Variants in DNAAF9 observed in about 807,000 individuals in gnomAD.
DNAAF9 encodes dynein axonemal assembly factor 9.
DNAAF9 carries 90 observed loss-of-function variants against 167.0 expected under a neutral mutation model. The observed-to-expected ratio is 0.54, with a 90% confidence interval of 0.45 to 0.64. DNAAF9 has a LOEUF of 0.64. Among genes scored for constraint, DNAAF9 ranks in the 30% least tolerant of loss-of-function variants. The pLI is 0.00. For synonymous variants in DNAAF9, 491 were observed against 508.8 expected (o/e 0.96, Z 0.47); for missense variants, 1,315 against 1,442.2 (o/e 0.91, Z 1.43).
chr20:3,290,034 C>T (rs1231115159), intron 26 of DNAAF9, 95 bp downstream of exon 26: 1 of 762,728 alleles, frequency 1.3e-6, no homozygotes, highest in African/African-American at 1.7e-5. Flanking sequence ...GATACCAGTC[C>T]CACCAAGGCC....
rs975200045 is a variant in DNAAF9 at position 3,320,040 on chromosome 20, T to G, written c.1357-1640A>C. On this transcript the variant is annotated intron_variant, in intron 16 of 36. Coordinates refer to ENST00000252032, the MANE Select transcript of DNAAF9 (RefSeq NM_001009984.3). ...CATGTTCATATTTGGCCACTGGTATTGAGGAAGGGAAGAGAGGATATTAAA... is the reference window on the plus strand; with the variant it reads ...CATGTTCATATTTGGCCACTGGTATGGAGGAAGGGAAGAGAGGATATTAAA... Among the ~76,000 whole-genome samples, 9 of 152,184 alleles carry G rather than the reference T, an allele frequency of 5.9e-5. No homozygotes were observed. In the South Asian group the frequency reaches 6.2e-4, roughly 11 times the overall value.
chr20:3,366,176 T>C (rs1431843199), intron 6 of DNAAF9, among the ~76,000 whole-genome samples: 1 of 152,206 alleles, frequency 6.6e-6, no homozygotes, highest in Non-Finnish European at 1.5e-5. Context: ...CCCAGATCCA[T>C]CAGAGGAATC....
rs2068168788 is a variant in DNAAF9 at position 3,249,527 on chromosome 20, C to T, written c.*3045G>A. Reference sequence around the variant, plus strand: ...GAAGTTACAGTAGTGTTTGTAAATACGAGTTTTAAAATTTAAGTTACAAAT... The same window carrying T: ...GAAGTTACAGTAGTGTTTGTAAATATGAGTTTTAAAATTTAAGTTACAAAT... On this transcript the variant is annotated 3_prime_UTR_variant, in exon 37 of 37. Coordinates refer to ENST00000252032, the MANE Select transcript of DNAAF9 (RefSeq NM_001009984.3). 6.6e-6 allele frequency: 1 copy of T among 152,156 alleles called. No homozygotes were observed. Among genetic ancestry groups the T allele is most frequent in the Non-Finnish European group, 1.5e-5 (1 of 68,038 alleles). 9.4% of individuals were successfully genotyped at this position (152,156 alleles called of 1,614,324 possible).
At chr20:3,287,576 T>C in intron 27 of DNAAF9, 56 bp downstream of exon 27, 1 of 1,547,438 alleles carries the variant, frequency 6.5e-7, no homozygotes, top group Non-Finnish European at 8.9e-7. Context: ...AAAATAAGAG[T>C]AATGGCAAGG....
chr20:3,370,768 C>T (rs1022253964), intron 6 of DNAAF9, among the ~76,000 whole-genome samples: 24 of 152,170 alleles, frequency 1.6e-4, no homozygotes, highest in African/African-American at 5.3e-4. Context: ...CTCCTGGCTT[C>T]ACGCGATCCT....
intron 8 of DNAAF9, among the ~76,000 whole-genome samples, chr20:3,348,112 G>A (rs1211310289): frequency 6.6e-6 from 1 of 152,062 alleles, no homozygotes; most frequent in Non-Finnish European, 1.5e-5. Flanking sequence ...CCTGTGTCTT[G>A]GTTGTCAATC....
chr20:3,357,869 G>A (rs1272111376), intron 7 of DNAAF9, among the ~76,000 whole-genome samples: 1 of 151,850 alleles, frequency 6.6e-6, no homozygotes, highest in East Asian at 1.9e-4. Flanking sequence ...AATTAGCCAG[G>A]TGTGGTGATG....
chr20:3,324,279 TTAAA>T (rs1440109823), intron 14 of DNAAF9, among the ~76,000 whole-genome samples: 1 of 152,220 alleles, frequency 6.6e-6, no homozygotes, highest in Non-Finnish European at 1.5e-5. Flanking sequence ...AGAAGTATTC[TTAAA>T]TAAATTCCCC....
At chr20:3,381,791 T>C (rs2083657810) in intron 2 of DNAAF9, among the ~76,000 whole-genome samples, 1 of 152,190 alleles carries the variant, frequency 6.6e-6, no homozygotes, top group Admixed American at 6.5e-5. Flanking sequence ...AGCTTAAGAA[T>C]AGGGGTCAGA....
At chr20:3,378,302 A>AC in intron 3 of DNAAF9, among the ~76,000 whole-genome samples, 1 of 152,328 alleles carries the variant, frequency 6.6e-6, no homozygotes, top group South Asian at 2.1e-4. Flanking sequence ...TGCAGGCCCA[A>AC]CGATACTGCT....
In DNAAF9 at chr20:3,251,707, T is replaced by C. The variant is rs2068197452; in HGVS notation, c.*865A>G. 6.6e-6 allele frequency: 1 copy of C among 152,298 alleles called. No individual in the cohort carries two copies. The highest frequency in any genetic ancestry group is 1.5e-5 in the Non-Finnish European group (1 of 68,090). 9.4% of individuals were successfully genotyped at this position (152,298 alleles called of 1,614,324 possible). A position where few individuals can be genotyped will look rare whatever the true frequency, so the allele number is the denominator to read the frequency against. Reference sequence around the variant, plus strand: ...TGTGGGAGCGCTGGGTGCTGGAGACTGACCCCACAAGTGATCAGCCACCAG... The same window carrying C: ...TGTGGGAGCGCTGGGTGCTGGAGACCGACCCCACAAGTGATCAGCCACCAG... On this transcript the variant is annotated 3_prime_UTR_variant, in exon 37 of 37. Coordinates refer to ENST00000252032, the MANE Select transcript of DNAAF9 (RefSeq NM_001009984.3).
chr20:3,344,948 T>C (rs111226873), intron 8 of DNAAF9, among the ~76,000 whole-genome samples: 4 of 152,364 alleles, frequency 2.6e-5, no homozygotes, highest in African/African-American at 9.6e-5. Context: ...ACATGTTCAG[T>C]GGCTATTTGG....
chr20:3,357,302 T>C (rs1205257834), intron 7 of DNAAF9, among the ~76,000 whole-genome samples: 1 of 152,166 alleles, frequency 6.6e-6, no homozygotes, highest in East Asian at 1.9e-4. Context: ...CAAAACCCCA[T>C]CTCCAGTAAA....
chr20:3,264,627 T>A, intron 30 of DNAAF9, 103 bp from the exon 31 acceptor site: 1 of 701,946 alleles, frequency 1.4e-6, no homozygotes, highest in Non-Finnish European at 2.6e-6. Context: ...TGGAGTGCAG[T>A]GGTGCAATCT....
chr20:3,315,175 A>G lies in DNAAF9; in HGVS notation c.1591-55T>C. The G allele has an allele frequency of 9.5e-7, 1 of 1,047,702 alleles. No individual in the cohort carries two copies. Among genetic ancestry groups the G allele is most frequent in the African/African-American group, 1.6e-5 (1 of 63,900 alleles). 64.9% of individuals were successfully genotyped at this position (1,047,702 alleles called of 1,614,324 possible). ...CAAAAAAGAATAGGTGATTTATAGCATAAATATTCACAGAATCAAAAGTCC... is the reference window on the plus strand; with the variant it reads ...CAAAAAAGAATAGGTGATTTATAGCGTAAATATTCACAGAATCAAAAGTCC... On this transcript the variant is annotated intron_variant, in intron 19 of 36. Coordinates refer to ENST00000252032, the MANE Select transcript of DNAAF9 (RefSeq NM_001009984.3). The surrounding 1 kb of genome is among the most constrained non-coding windows in gnomAD (Gnocchi z 4.1).
At position 3,269,681 on chromosome 20, in the gene DNAAF9, G is replaced by A. The variant is rs552811862; in HGVS notation, c.2786+746C>T. Among the ~76,000 whole-genome samples the A allele has an allele frequency of 9.2e-5, 14 of 152,226 alleles. 1 individual carries two copies. Among genetic ancestry groups the A allele is most frequent in the African/African-American group, 3.4e-4 (14 of 41,544 alleles). On this transcript the variant is annotated intron_variant, in intron 30 of 36. Coordinates refer to ENST00000252032, the MANE Select transcript of DNAAF9 (RefSeq NM_001009984.3). ...AGCATCTAAAGCACTTCGGCCAGGC[G>A]TGGTGCCTCACGCCTGTAATCCCAG...
chr20:3,315,867 T>G lies in DNAAF9; in HGVS notation c.1540-82A>C. On this transcript the variant is annotated intron_variant, in intron 18 of 36. Coordinates refer to ENST00000252032, the MANE Select transcript of DNAAF9 (RefSeq NM_001009984.3). This position sits in a 1 kb window ranked among gnomAD's most constrained non-coding sequence, Gnocchi z 4.1. Reference sequence around the variant, plus strand: ...AGGTCTCCCCACTGTGTTCAAATATTTCCAGGACACTGGCTGGACAGTCCT... The same window carrying G: ...AGGTCTCCCCACTGTGTTCAAATATGTCCAGGACACTGGCTGGACAGTCCT... The G allele has an allele frequency of 9.6e-7, 1 of 1,039,790 alleles. No individual in the cohort carries two copies. Among genetic ancestry groups the G allele is most frequent in the Non-Finnish European group, 1.5e-6 (1 of 655,974 alleles). 64.4% of individuals were successfully genotyped at this position (1,039,790 alleles called of 1,614,324 possible). A position where few individuals can be genotyped will look rare whatever the true frequency, so the allele number is the denominator to read the frequency against.
At chr20:3,366,155 A>AC (rs1036347401) in intron 6 of DNAAF9, among the ~76,000 whole-genome samples, 10 of 151,474 alleles carry the variant, frequency 6.6e-5, no homozygotes, top group African/African-American at 2.4e-4. Context: ...AAGGCTTTCA[A>AC]TTTTTTTTTG....
intron 7 of DNAAF9, among the ~76,000 whole-genome samples, chr20:3,358,195 G>A (rs1383967723): frequency 1.3e-5 from 2 of 151,828 alleles, no homozygotes; most frequent in Non-Finnish European, 2.9e-5. Context: ...TTTCTGGGGG[G>A]ATTTAGGGCT....
Sources: allele counts gnomAD v4.1 joint callset (sites outside exome capture counted in the v4.1 genomes callset), GRCh38; gene constraint gnomAD v4.1.1; non-coding constraint Gnocchi (gnomAD v3.1); transcripts MANE v1.5; gene names NCBI Gene and HGNC (gene_info 2026-07-23, HGNC 2026-07-21).